The following GALNTL6 variants were observed in gnomAD, a reference collection of about 807,000 sequenced individuals.
GALNTL6 encodes the protein polypeptide N-acetylgalactosaminyltransferase like 6, also known as polypeptide N-acetylgalactosaminyltransferase-like 6.
GALNTL6 carries 46 observed loss-of-function variants against 73.7 expected under a neutral mutation model. That is an observed-to-expected ratio of 0.62 (90% CI 0.49 to 0.80). GALNTL6 has a LOEUF of 0.80. GALNTL6 is among the 30% of genes least tolerant of loss of function. GALNTL6 has a pLI of 0.00. For synonymous variants in GALNTL6, 259 were observed against 263.7 expected, an observed-to-expected ratio of 0.98 and a Z score of 0.17; for missense variants, 604 against 755.0, an observed-to-expected ratio of 0.80 and a Z score of 2.34.
At chr4:172,748,220 C>T (rs986722371) in intron 5 of GALNTL6, among the ~76,000 whole-genome samples, 3 of 152,204 alleles carry the variant, frequency 2.0e-5, no homozygotes, top group Non-Finnish European at 2.9e-5. Flanking sequence ...TGAGGGTGGA[C>T]GGAGCCTCTC....
At chr4:172,875,204 T>A (rs945491419) in intron 7 of GALNTL6, among the ~76,000 whole-genome samples, 1 of 152,166 alleles carries the variant, frequency 6.6e-6, no homozygotes, top group Non-Finnish European at 1.5e-5. Flanking sequence ...TAATGTGACC[T>A]CACTTCTCCT....
At chr4:172,571,630 G>A (rs1736765727) in intron 5 of GALNTL6, among the ~76,000 whole-genome samples, 2 of 152,178 alleles carry the variant, frequency 1.3e-5, no homozygotes, top group Admixed American at 1.3e-4. Context: ...CTTCCACTGA[G>A]TGCAAGAAAT....
At chr4:172,199,517 C>T (rs1409788049) in intron 2 of GALNTL6, among the ~76,000 whole-genome samples, 2 of 152,024 alleles carry the variant, frequency 1.3e-5, no homozygotes, top group African/African-American at 4.8e-5. Flanking sequence ...TCTGTCTTTC[C>T]CAGTAAGTTT....
At chr4:172,539,903 ATAT>A (rs1343343499) in intron 5 of GALNTL6, among the ~76,000 whole-genome samples, 18 of 135,388 alleles carry the variant, frequency 1.3e-4, no homozygotes, top group South Asian at 4.5e-4. Flanking sequence ...ATATATATAT[ATAT>A]AAAAAATCTC....
At chr4:172,413,853 C>A (rs1744530423) in intron 5 of GALNTL6, among the ~76,000 whole-genome samples, 1 of 151,944 alleles carries the variant, frequency 6.6e-6, no homozygotes, top group African/African-American at 2.4e-5. Context: ...TTCCATTTAT[C>A]TTTATTTCCT....
intron 3 of GALNTL6, among the ~76,000 whole-genome samples, chr4:172,234,423 A>G (rs954679840): frequency 2.0e-5 from 3 of 152,100 alleles, no homozygotes; most frequent in Non-Finnish European, 2.9e-5. Context: ...ACATTTTATC[A>G]TGTTTATTAA....
chr4:172,057,043 C>A (rs1463263359), intron 2 of GALNTL6, among the ~76,000 whole-genome samples: 1 of 152,020 alleles, frequency 6.6e-6, no homozygotes, highest in Non-Finnish European at 1.5e-5. Flanking sequence ...TTACTTCAAT[C>A]TTTAAAAGAA....
intron 4 of GALNTL6, among the ~76,000 whole-genome samples, chr4:172,319,345 G>A (rs980398182): frequency 1.3e-5 from 2 of 152,152 alleles, no homozygotes; most frequent in Admixed American, 6.6e-5. Context: ...GATATATCAC[G>A]TATTCTCTTG....
chr4:172,769,044 T>C (rs1738605062), intron 5 of GALNTL6, among the ~76,000 whole-genome samples: 1 of 152,068 alleles, frequency 6.6e-6, no homozygotes, highest in South Asian at 2.1e-4. Flanking sequence ...GTAGAATATA[T>C]TTAAAGTAGG....
intron 2 of GALNTL6, among the ~76,000 whole-genome samples, chr4:172,174,043 T>C (rs1218713330): frequency 6.6e-6 from 1 of 152,210 alleles, no homozygotes; most frequent in East Asian, 1.9e-4. Flanking sequence ...GTTGTTTTTT[T>C]CCTCTTGCTT....
At chr4:173,003,981 A>T (rs1752163122) in intron 10 of GALNTL6, among the ~76,000 whole-genome samples, 1 of 152,100 alleles carries the variant, frequency 6.6e-6, no homozygotes, top group South Asian at 2.1e-4. Flanking sequence ...TAGTCTTTGA[A>T]TTTCTAACTA....
chr4:172,354,371 A>C (rs1487323295), intron 5 of GALNTL6, among the ~76,000 whole-genome samples: 2 of 152,174 alleles, frequency 1.3e-5, no homozygotes, highest in Admixed American at 6.5e-5. Context: ...CAGTATATTT[A>C]GAAATTCAAG....
intron 2 of GALNTL6, among the ~76,000 whole-genome samples, chr4:171,938,783 G>T (rs959793388): frequency 1.1e-4 from 17 of 152,172 alleles, no homozygotes; most frequent in East Asian, 1.9e-4. Context: ...CAAAGCTAGG[G>T]CTATCATCCT....
chr4:171,972,236 A>C (rs1428395129), intron 2 of GALNTL6, among the ~76,000 whole-genome samples: 1 of 152,224 alleles, frequency 6.6e-6, no homozygotes, highest in Non-Finnish European at 1.5e-5. Context: ...CATATAGCAC[A>C]TTAGTATTTA....
At chr4:172,089,885 T>C (rs1732150985) in intron 2 of GALNTL6, among the ~76,000 whole-genome samples, 1 of 152,092 alleles carries the variant, frequency 6.6e-6, no homozygotes, top group African/African-American at 2.4e-5. Context: ...CAGTGTGTAA[T>C]GTTCCCCGCC....
rs182022046 is a variant in GALNTL6 at position 172,177,871 on chromosome 4, A to G, written c.139-51785A>G. 1.1e-3 allele frequency among the ~76,000 whole-genome samples: 50 copies of G among 46,548 alleles called. No homozygotes were observed. The East Asian group carries it at 0.036, about 33-fold the overall frequency. 30.5% of individuals were successfully genotyped at this position (46,548 alleles called of 152,430 possible). On this transcript the variant is annotated intron_variant, in intron 2 of 12. Coordinates refer to ENST00000506823, the MANE Select transcript of GALNTL6 (RefSeq NM_001034845.3). ...TATATATATACACACATACTAAGGC[A>G]TGCTAATCGTGAAGAAATGTTACTT...
chr4:172,637,441 A>G lies in GALNTL6; in HGVS notation c.554-171920A>G, dbSNP rs1040699802. On this transcript the variant is annotated intron_variant, in intron 5 of 12. Coordinates refer to ENST00000506823, the MANE Select transcript of GALNTL6 (RefSeq NM_001034845.3). The stretch of plus-strand genomic sequence containing the variant: ...TTTTAAGATTTATGAAATAAAATTG[A>G]TTTGTGAAATCAGACAGAATTGCTG... Among the ~76,000 whole-genome samples the G allele has an allele frequency of 2.0e-5, 3 of 152,304 alleles. No homozygotes were observed. In the East Asian group the frequency reaches 5.8e-4, roughly 29 times the overall value.
At chr4:172,820,918 A>G (rs143393698) in intron 7 of GALNTL6, among the ~76,000 whole-genome samples, 3 of 152,348 alleles carry the variant, frequency 2.0e-5, no homozygotes, top group East Asian at 1.9e-4. Context: ...ATTAGAATCT[A>G]TGTTCATCAG....
intron 5 of GALNTL6, among the ~76,000 whole-genome samples, chr4:172,655,181 T>C (rs1159043805): frequency 6.6e-6 from 1 of 152,184 alleles, no homozygotes; most frequent in Non-Finnish European, 1.5e-5. Context: ...CTACCAGAAA[T>C]AAATTATTTC....
Sources: allele counts gnomAD v4.1 joint callset (sites outside exome capture counted in the v4.1 genomes callset), GRCh38; gene constraint gnomAD v4.1.1; transcripts MANE v1.5; gene names NCBI Gene and HGNC (gene_info 2026-07-23, HGNC 2026-07-21).